ALDH1L1: variants seen among roughly 807,000 people sequenced by gnomAD.
ALDH1L1 encodes the protein aldehyde dehydrogenase 1 family member L1, also known as cytosolic 10-formyltetrahydrofolate dehydrogenase.
Under a neutral mutation model 101.1 loss-of-function variants are expected in ALDH1L1, and 68 were observed. The observed-to-expected ratio is 0.67, with a 90% CI of 0.55 to 0.82. The LOEUF is 0.82. ALDH1L1 is among the 40% of genes least tolerant of loss of function. The pLI is 0.00. For synonymous variants in ALDH1L1, 486 were observed against 470.8 expected (o/e 1.03, Z -0.42); for missense variants, 1,087 against 1,172.7 (o/e 0.93, Z 1.07).
chr3:126,128,982 ACCACT>A (rs2080243083), intron 14 of ALDH1L1: 3 of 145,728 alleles, frequency 2.1e-5, no homozygotes, highest in African/African-American at 7.6e-5. Flanking sequence ...AAGGTCTCTG[ACCACT>A]GCCCCATAGC....
intron 11 of ALDH1L1, among the ~76,000 whole-genome samples, chr3:126,135,887 C>T (rs779740154): frequency 1.2e-4 from 18 of 152,162 alleles, no homozygotes; most frequent in Non-Finnish European, 1.0e-4. Flanking sequence ...ACCCCAAGGT[C>T]CCCACCCTGT....
At chr3:126,108,653 G>A (rs1945970987) in intron 20 of ALDH1L1, among the ~76,000 whole-genome samples, 1 of 152,240 alleles carries the variant, frequency 6.6e-6, no homozygotes, top group South Asian at 2.1e-4. Context: ...CTGTGACACG[G>A]GCATGCCCGG....
chr3:126,146,734 C>A (rs2080692660), intron 9 of ALDH1L1, 101 bp downstream of exon 9: 1 of 1,300,742 alleles, frequency 7.7e-7, no homozygotes, highest in Non-Finnish European at 1.1e-6. Context: ...CCACATGATC[C>A]ATGAGTGTAA....
At chr3:126,144,788 A>G (rs1381614734) in intron 9 of ALDH1L1, among the ~76,000 whole-genome samples, 1 of 152,262 alleles carries the variant, frequency 6.6e-6, no homozygotes, top group Non-Finnish European at 1.5e-5. Flanking sequence ...TGGTCTTTGC[A>G]ATCATTTCCT....
intron 1 of ALDH1L1, among the ~76,000 whole-genome samples, chr3:126,175,721 C>T (rs1181261025): frequency 6.6e-6 from 1 of 152,094 alleles, no homozygotes; most frequent in Non-Finnish European, 1.5e-5. Context: ...CTATGAAAAA[C>T]CTACAGCTAA....
At chr3:126,134,090 G>A (rs1282808899) in intron 12 of ALDH1L1, among the ~76,000 whole-genome samples, 2 of 151,986 alleles carry the variant, frequency 1.3e-5, no homozygotes, top group East Asian at 1.9e-4. Flanking sequence ...CGGTGGTCCC[G>A]CCACCCTGAC....
intron 1 of ALDH1L1, chr3:126,179,989 G>A (rs1229237800): frequency 6.6e-6 from 1 of 152,174 alleles, no homozygotes; most frequent in Non-Finnish European, 1.5e-5. Context: ...AGAGGCCCTC[G>A]TGCCAGGCCC....
intron 22 of ALDH1L1, 178 bp from the exon 23 acceptor site, chr3:126,104,024 A>T: frequency 1.1e-5 from 7 of 665,204 alleles, no homozygotes; most frequent in Non-Finnish European, 1.6e-5. Context: ...CTGGCAGTGG[A>T]TAGTGGGCCA....
chr3:126,153,691 T>A, intron 6 of ALDH1L1, 110 bp from the exon 7 acceptor site: 1 of 1,388,558 alleles, frequency 7.2e-7, no homozygotes. Flanking sequence ...CAGGGGTAGC[T>A]GAGACCTGGG....
chr3:126,133,297 C>A (rs1163508897), intron 12 of ALDH1L1, among the ~76,000 whole-genome samples: 1 of 152,184 alleles, frequency 6.6e-6, no homozygotes, highest in Non-Finnish European at 1.5e-5. Context: ...AGCCCTCAGA[C>A]CCAGAGGCTC....
At chr3:126,139,061 G>A (rs139491018) in intron 9 of ALDH1L1, among the ~76,000 whole-genome samples, 185 of 152,338 alleles carry the variant, frequency 1.2e-3, no homozygotes, top group Non-Finnish European at 1.4e-3. Flanking sequence ...TATTCCAGAC[G>A]CAGCTTGCTG....
intron 18 of ALDH1L1, among the ~76,000 whole-genome samples, chr3:126,113,686 C>A (rs1276480429): frequency 6.6e-6 from 1 of 152,214 alleles, no homozygotes; most frequent in Non-Finnish European, 1.5e-5. Flanking sequence ...CACACCCAAG[C>A]TAGGGTGTTA....
At position 126,158,626 on chromosome 3, in the gene ALDH1L1, C is replaced by G; in HGVS notation, c.141G>C (p.Glu47Asp). ...GKADPLGLEA[E>D]KDGVPVFKYS... Reference sequence around the variant, plus strand: ...ACTTGAATACCGGCACTCCATCCTTCTCAGCTTCCAGACCTGTGGGACGGT... The same window carrying G: ...ACTTGAATACCGGCACTCCATCCTTGTCAGCTTCCAGACCTGTGGGACGGT... Residue 47 changes from glutamate to aspartate, a missense_variant, in exon 3 of 23, where the codon GAG becomes GAC. This residue lies in a region of ALDH1L1 where 645 missense variants were observed against 637.0 expected (regional missense o/e 1.01). Transcript: ENST00000393434. 1 of 1,612,814 alleles carries G rather than the reference C, an allele frequency of 6.2e-7. No individual in the cohort carries two copies.
At chr3:126,135,718 C>A (rs1345527588) in intron 11 of ALDH1L1, 56 bp from the exon 12 acceptor site, 72 of 1,446,884 alleles carry the variant, frequency 5.0e-5, no homozygotes, top group Non-Finnish European at 6.5e-5. Flanking sequence ...CACACAGATA[C>A]CCCTGCCTGC....
intron 2 of ALDH1L1, chr3:126,159,502 T>G (rs543791731): frequency 1.1e-5 from 5 of 456,610 alleles, no homozygotes; most frequent in Non-Finnish European, 2.2e-5. Flanking sequence ...TCTGGTGTGA[T>G]GTTTGGGCCC....
intron 14 of ALDH1L1, among the ~76,000 whole-genome samples, chr3:126,126,442 C>T (rs2080186381): frequency 2.0e-5 from 3 of 152,228 alleles, no homozygotes. Flanking sequence ...AGACCACGCA[C>T]AGGCTCCTGT....
At chr3:126,121,042 T>C (rs2080070631) in intron 16 of ALDH1L1, among the ~76,000 whole-genome samples, 1 of 152,180 alleles carries the variant, frequency 6.6e-6, no homozygotes, top group Non-Finnish European at 1.5e-5. Context: ...ATGAGGTCAC[T>C]GGGGTGGGCC....
At chr3:126,111,462 C>A (rs1286393804) in intron 19 of ALDH1L1, among the ~76,000 whole-genome samples, 1 of 152,234 alleles carries the variant, frequency 6.6e-6, no homozygotes, top group Non-Finnish European at 1.5e-5. Context: ...CAAGCTCTGA[C>A]AAACCCAGAT....
intron 1 of ALDH1L1, among the ~76,000 whole-genome samples, chr3:126,176,754 C>CTT (rs1349695951): frequency 1.4e-3 from 214 of 152,226 alleles, no homozygotes; most frequent in Admixed American, 6.1e-3. Context: ...TTCTGCTCTG[C>CTT]AAAAGACACT....
Sources: allele counts gnomAD v4.1 joint callset (sites outside exome capture counted in the v4.1 genomes callset), GRCh38; gene constraint gnomAD v4.1.1; regional missense constraint gnomAD v4.1.1; transcripts MANE v1.5; gene names NCBI Gene and HGNC (gene_info 2026-07-23, HGNC 2026-07-21).